TARS3: variants seen among roughly 807,000 people sequenced by gnomAD.
The protein encoded by TARS3 is threonine--tRNA ligase 2, cytoplasmic.
TARS3 carries 94 observed loss-of-function variants against 103.5 expected under a neutral mutation model. That is an observed-to-expected ratio of 0.91 (90% confidence interval 0.77 to 1.08). The LOEUF is 1.08. Ranked by LOEUF, TARS3 falls within the 50% of genes least tolerant of loss-of-function variation. The pLI is 0.00. For synonymous variants in TARS3, 416 were observed against 355.4 expected (o/e 1.17, Z -1.92); for missense variants, 952 against 995.2 (o/e 0.96, Z 0.58).
At chr15:101,659,400 T>A (rs1897298283) in intron 16 of TARS3, among the ~76,000 whole-genome samples, 1 of 152,186 alleles carries the variant, frequency 6.6e-6, no homozygotes, top group Admixed American at 6.5e-5. Flanking sequence ...CCTTTTGAGC[T>A]CTGTCCTTAT....
intron 3 of TARS3, among the ~76,000 whole-genome samples, chr15:101,720,878 C>T (rs552897812): frequency 2.0e-5 from 3 of 152,248 alleles, no homozygotes; most frequent in South Asian, 4.1e-4. Flanking sequence ...TTCTCCTTGC[C>T]GCTGCCATGT....
chr15:101,724,112 C>T lies in TARS3; in HGVS notation c.276G>A (p.Ala92=). The part of the protein sequence containing the change: ...QATLESAELE[A]AQEAGAQPPP... ...TTACCTGTGCGCCGGCCTCCTGCGC[C>T]GCCTCTAGCTCCGCGCTCTCCAGCG... The change falls in exon 1 of 19, where the codon GCG becomes GCA. Residue 92 remains alanine (A), a synonymous_variant. Transcript: ENST00000335968. 3.6e-6 allele frequency: 5 copies of T among 1,381,490 alleles called. No individual in the cohort carries two copies. The highest frequency in any genetic ancestry group is 3.7e-6 in the Non-Finnish European group (4 of 1,068,504). 85.6% of individuals were successfully genotyped at this position (1,381,490 alleles called of 1,614,324 possible). A position where few individuals can be genotyped will look rare whatever the true frequency, so the allele number is the denominator to read the frequency against.
chr15:101,673,038 G>A (rs1897874169), intron 13 of TARS3, among the ~76,000 whole-genome samples: 1 of 152,192 alleles, frequency 6.6e-6, no homozygotes, highest in Non-Finnish European at 1.5e-5. Context: ...TGCCAGAGCC[G>A]AGAGAGCATC....
At chr15:101,698,825 T>C (rs529203639) in intron 10 of TARS3, among the ~76,000 whole-genome samples, 1 of 152,310 alleles carries the variant, frequency 6.6e-6, no homozygotes, top group Admixed American at 6.5e-5. Flanking sequence ...AGATGAGCCT[T>C]GGAATTATTT....
intron 10 of TARS3, among the ~76,000 whole-genome samples, chr15:101,697,671 C>A (rs986795182): frequency 6.6e-6 from 1 of 152,110 alleles, no homozygotes; most frequent in South Asian, 2.1e-4. Context: ...CAAAGCACAG[C>A]CTTACGGTAA....
chr15:101,655,975 G>C, intron 18 of TARS3: 1 of 1,289,228 alleles, frequency 7.8e-7, no homozygotes. Flanking sequence ...AGATGATGCA[G>C]GAATCTACAG....
intron 15 of TARS3, among the ~76,000 whole-genome samples, chr15:101,667,632 G>A (rs193109223): frequency 1.8e-4 from 28 of 151,976 alleles, no homozygotes; most frequent in Admixed American, 3.3e-4. Context: ...GTGCAGTGGC[G>A]TGGTCTTGGC....
intron 12 of TARS3, among the ~76,000 whole-genome samples, chr15:101,680,745 T>C (rs904113155): frequency 6.6e-6 from 1 of 152,244 alleles, no homozygotes; most frequent in East Asian, 1.9e-4. Context: ...TCTCCCAGTC[T>C]GTAACCTGTC....
chr15:101,656,360 C>G (rs1897198575), intron 18 of TARS3, among the ~76,000 whole-genome samples: 1 of 152,216 alleles, frequency 6.6e-6, no homozygotes, highest in Admixed American at 6.5e-5. Context: ...TCTCAACTTA[C>G]AAGAAATAGC....
intron 3 of TARS3, among the ~76,000 whole-genome samples, chr15:101,716,705 G>T (rs1040275911): frequency 6.6e-6 from 1 of 152,142 alleles, no homozygotes; most frequent in Non-Finnish European, 1.5e-5. Flanking sequence ...AATTCTGGAA[G>T]TACAACTGCT....
intron 10 of TARS3, among the ~76,000 whole-genome samples, chr15:101,689,644 T>C (rs1898624398): frequency 6.6e-6 from 1 of 152,190 alleles, no homozygotes; most frequent in African/African-American, 2.4e-5. Flanking sequence ...ACACTAAAGA[T>C]GACTGGCAAC....
At chr15:101,679,199 T>G (rs1045219267) in intron 12 of TARS3, among the ~76,000 whole-genome samples, 17 of 152,220 alleles carry the variant, frequency 1.1e-4, no homozygotes, top group African/African-American at 4.1e-4. Context: ...AGTTGTCAGC[T>G]ATTATTTCTT....
At chr15:101,675,535 C>A in intron 13 of TARS3, 65 bp downstream of exon 13, 2 of 1,491,162 alleles carry the variant, frequency 1.3e-6, no homozygotes, top group South Asian at 2.5e-5. Context: ...CCTGTGAAGA[C>A]TGCAGCCTCT....
rs903500926 is a variant in TARS3, at chr15:101,720,419, A to G, written c.566+707T>C. 3.3e-5 allele frequency among the ~76,000 whole-genome samples: 5 copies of G among 152,314 alleles called. No individual in the cohort carries two copies. In the South Asian group the frequency reaches 6.2e-4, roughly 19 times the overall value. On this transcript the variant is annotated intron_variant, in intron 3 of 18. Transcript: ENST00000335968. Reference sequence around the variant, plus strand: ...CTTTTCCAAGACTGATAATAGCTCTAAAACATTTATCTTCAATCTATACTT... The same window carrying G: ...CTTTTCCAAGACTGATAATAGCTCTGAAACATTTATCTTCAATCTATACTT...
chr15:101,661,227 G>A (rs1897364819), intron 16 of TARS3, among the ~76,000 whole-genome samples: 1 of 151,664 alleles, frequency 6.6e-6, no homozygotes, highest in African/African-American at 2.4e-5. Flanking sequence ...CTGTGCTGCT[G>A]AGCCATCCTC....
intron 10 of TARS3, chr15:101,696,003 G>C (rs1261401856): frequency 6.6e-6 from 1 of 151,940 alleles, no homozygotes; most frequent in East Asian, 1.9e-4. Flanking sequence ...TGGATCACGA[G>C]GTCAGGAGAT....
chr15:101,671,757 AAAG>A lies in TARS3; in HGVS notation c.1789-12_1789-10del. On this transcript the variant is annotated splice_polypyrimidine_tract_variant and intron_variant, in intron 13 of 18. Transcript: ENST00000335968. ...AAGCTGTTCTGCAGTTGCTTTTTCA[AAAG>A]AAGAAAAAAGATACAATTATACACT... 3 of 1,609,444 alleles carry A rather than the reference AAAG, an allele frequency of 1.9e-6. No individual in the cohort carries two copies. Among genetic ancestry groups the A allele is most frequent in the South Asian group, 1.1e-5 (1 of 89,718 alleles).
intron 10 of TARS3, among the ~76,000 whole-genome samples, chr15:101,699,868 G>A (rs1899171829): frequency 1.3e-5 from 2 of 152,256 alleles, no homozygotes; most frequent in East Asian, 1.9e-4. Flanking sequence ...ATCCCCAAAT[G>A]AGAATTAAAG....
chr15:101,693,802 G>A (rs1306549401), intron 10 of TARS3, among the ~76,000 whole-genome samples: 3 of 152,072 alleles, frequency 2.0e-5, no homozygotes, highest in Non-Finnish European at 4.4e-5. Context: ...GTCTCTAAAG[G>A]TTTTATAAAA....
Sources: gnomAD v4.1 joint callset for allele counts (sites outside exome capture counted in the v4.1 genomes callset) on GRCh38, gnomAD v4.1.1 for gene constraint, MANE v1.5 for transcripts, NCBI Gene and HGNC (gene_info 2026-07-23, HGNC 2026-07-21) for gene names.